Variants in PGM3 observed in about 807,000 individuals in gnomAD.
PGM3 encodes the protein phosphoglucomutase 3.
A neutral mutation model predicts 66.2 loss-of-function variants in PGM3; 40 were observed. The observed-to-expected ratio is 0.60, with a 90% CI of 0.47 to 0.79. The LOEUF is 0.79. PGM3 is among the 30% of genes least tolerant of loss of function. PGM3 has a pLI of 0.00. For missense variants in PGM3, 537 were observed against 643.4 expected (o/e 0.83, Z 1.79); for synonymous variants, 191 against 224.2 (o/e 0.85, Z 1.32).
intron 8 of PGM3, among the ~76,000 whole-genome samples, chr6:83,176,956 CTTA>C (rs1269183336): frequency 6.6e-6 from 1 of 152,120 alleles, no homozygotes; most frequent in Non-Finnish European, 1.5e-5. Context: ...CTTGAATGAG[CTTA>C]TTATAACCAT....
In PGM3 at chr6:83,167,864, A is replaced by G. The variant is rs1786196303; in HGVS notation, c.*1370T>C. The G allele has an allele frequency of 6.3e-7, 1 of 1,599,454 alleles. No homozygotes were observed. The highest frequency in any genetic ancestry group is 1.3e-5 in the African/African-American group (1 of 74,446). On this transcript the variant is annotated 3_prime_UTR_variant, in exon 13 of 13. Transcript: ENST00000513973. ...AGTTCACTTTTTGTTTTCTGCAGAA[A>G]AATCCAGAGGAAGACAACTCAGGGA... is the stretch of plus-strand genomic sequence containing the variant.
chr6:83,166,751 A>C lies in PGM3; in HGVS notation c.*2483T>G, dbSNP rs550203370. 3.6e-6 allele frequency: 4 copies of C among 1,119,448 alleles called. No homozygotes were observed. Among genetic ancestry groups the C allele is most frequent in the Non-Finnish European group, 4.4e-6 (4 of 917,684 alleles). 69.3% of individuals were successfully genotyped at this position (1,119,448 alleles called of 1,614,324 possible). On this transcript the variant is annotated 3_prime_UTR_variant, in exon 13 of 13. Transcript: ENST00000513973. ...AGCTTGAGAGCACATAGAAGAAAAT[A>C]AGCTGGATTTTGCATCTGCTTGACC...
intron 2 of PGM3, 39 bp from the exon 3 acceptor site, chr6:83,188,837 T>G (rs530537337): frequency 1.3e-5 from 20 of 1,559,344 alleles, no homozygotes; most frequent in Non-Finnish European, 1.7e-5. Context: ...CTGTGCATAC[T>G]CATGAGGCTG....
At chr6:83,155,850 C>G in the PGM3 span, 1 of 1,393,620 alleles carries the variant, frequency 7.2e-7, no homozygotes, top group Admixed American at 2.4e-5. Context: ...CCAAGCTCCT[C>G]TCAGTTTTGG....
chr6:83,152,508 G>T, the PGM3 span: 1 of 378,246 alleles, frequency 2.6e-6, no homozygotes. Flanking sequence ...TTAATATAAA[G>T]TTTTGGCCTT....
chr6:83,154,198 C>T, the PGM3 span: 1 of 1,613,842 alleles, frequency 6.2e-7, no homozygotes, highest in Non-Finnish European at 8.5e-7. Context: ...CAATTATGGA[C>T]AATCTGATGA....
At chr6:83,154,111 T>G in the PGM3 span, 3 of 1,611,648 alleles carry the variant, frequency 1.9e-6, no homozygotes, top group East Asian at 6.7e-5. Flanking sequence ...GCTACTCCCC[T>G]GGAAAGTTAG....
downstream of PGM3, chr6:83,162,766 CTGA>C (rs773790382): frequency 9.4e-6 from 15 of 1,590,964 alleles, no homozygotes; most frequent in Non-Finnish European, 1.3e-5. Context: ...CTTACTGATG[CTGA>C]TGTCATTATT....
At chr6:83,164,761 T>A, downstream of PGM3, 1 of 1,513,088 alleles carries the variant, frequency 6.6e-7, no homozygotes, top group Non-Finnish European at 9.0e-7. Flanking sequence ...GCAGCAAAAG[T>A]TGCCAAATAT....
intron 8 of PGM3, among the ~76,000 whole-genome samples, chr6:83,176,387 C>A (rs572814697): frequency 6.6e-6 from 1 of 152,140 alleles, no homozygotes; most frequent in African/African-American, 2.4e-5. Context: ...AGCAGAATTG[C>A]AAGCTTTTTC....
At chr6:83,153,865 T>C in the PGM3 span, 3 of 1,584,420 alleles carry the variant, frequency 1.9e-6, no homozygotes, top group Non-Finnish European at 1.7e-6. Context: ...TTAGGACACG[T>C]AGGTTAAGGT....
rs1229389075 is a variant in PGM3 at position 83,167,106 on chromosome 6, CAG to C, written c.*2126_*2127del. On this transcript the variant is annotated 3_prime_UTR_variant, in exon 13 of 13. Transcript: ENST00000513973. Reference sequence around the variant, plus strand: ...ATTATTAGTCTTTATATTTAGTTGACAGAGTTTTCACATACCTTCTCATTTGA... The same window carrying C: ...ATTATTAGTCTTTATATTTAGTTGACAGTTTTCACATACCTTCTCATTTGA... The C allele has an allele frequency of 6.1e-6, 6 of 979,400 alleles. No homozygotes were observed. The highest frequency in any genetic ancestry group is 5.3e-5 in the African/African-American group (3 of 57,076). 60.7% of individuals were successfully genotyped at this position (979,400 alleles called of 1,614,324 possible).
intron 12 of PGM3, 115 bp from the exon 13 acceptor site, chr6:83,169,438 C>G: frequency 8.1e-7 from 1 of 1,228,538 alleles, no homozygotes; most frequent in Non-Finnish European, 1.1e-6. Flanking sequence ...GATTTTGTTT[C>G]ACTAACAAAT....
In PGM3 at chr6:83,172,436, T is replaced by G. The variant is rs114796008; in HGVS notation, c.1243-377A>C. Among the ~76,000 whole-genome samples, 807 of 151,962 alleles carry G rather than the reference T, an allele frequency of 5.3e-3. 9 individuals carry two copies. The highest frequency in any genetic ancestry group is 0.019 in the African/African-American group (770 of 41,442). On this transcript the variant is annotated intron_variant, in intron 10 of 12. Transcript: ENST00000513973. ...TCTTAATAAAAAACAAATGCACTCCTGACCTCACTGTCAGGAATTTGAAAC... is the reference window on the plus strand; with the variant it reads ...TCTTAATAAAAAACAAATGCACTCCGGACCTCACTGTCAGGAATTTGAAAC...
intron 10 of PGM3, among the ~76,000 whole-genome samples, chr6:83,173,716 C>T (rs2128488362): frequency 6.6e-6 from 1 of 152,236 alleles, no homozygotes; most frequent in Non-Finnish European, 1.5e-5. Context: ...CATGTATGTC[C>T]TTTGTCAATG....
At chr6:83,172,083 A>G (rs1787255299) in intron 10 of PGM3, 24 bp from the exon 11 acceptor site, 2 of 1,612,808 alleles carry the variant, frequency 1.2e-6, no homozygotes, top group Non-Finnish European at 1.7e-6. Flanking sequence ...AACAAATGGA[A>G]GAAACCACTT....
chr6:83,158,760 A>G (rs1444750029), downstream of PGM3: 2 of 681,928 alleles, frequency 2.9e-6, no homozygotes, highest in Admixed American at 3.3e-5. Context: ...GTTTGGATAT[A>G]ATGTAGTTTT....
At chr6:83,148,954 A>G in the PGM3 span, 4 of 715,250 alleles carry the variant, frequency 5.6e-6, no homozygotes, top group Non-Finnish European at 8.5e-6. Context: ...TTTAGGTGAC[A>G]GTGATCTCTC....
rs73749732 is a variant in PGM3 at position 83,182,915 on chromosome 6, C to T, written c.521G>A (p.Arg174Gln). 1.1e-5 allele frequency: 18 copies of T among 1,613,748 alleles called. No individual in the cohort carries two copies. In the East Asian group the frequency reaches 1.3e-4, roughly 12 times the overall value. ...YMVYCRNTGG[R>Q]YGKATIEGYY... ...ACCTTCTATAGTTGCCTTTCCATATCGGCCACCCGTGTTTCGACAATACAC... is the reference window on the plus strand; with the variant it reads ...ACCTTCTATAGTTGCCTTTCCATATTGGCCACCCGTGTTTCGACAATACAC... Residue 174 changes from arginine to glutamine, a missense_variant, in exon 5 of 13, where the codon CGA becomes CAA. Physicochemically the swap from Arg to Gln is conservative, Grantham distance 43. Coordinates refer to ENST00000513973, the MANE Select transcript of PGM3 (RefSeq NM_015599.3).
Sources: allele counts gnomAD v4.1 joint callset (sites outside exome capture counted in the v4.1 genomes callset), GRCh38; gene constraint gnomAD v4.1.1; transcripts MANE v1.5; gene names NCBI Gene and HGNC (gene_info 2026-07-23, HGNC 2026-07-21).